KLF12: variants seen among roughly 807,000 people sequenced by gnomAD.
KLF12 encodes the protein KLF transcription factor 12, also known as Krueppel-like factor 12.
In KLF12, 9 loss-of-function variants were observed where a neutral mutation model predicts 37.8. That is an observed-to-expected ratio of 0.24 (90% CI 0.14 to 0.42). The LOEUF (loss-of-function observed/expected upper bound fraction) is 0.42. Ranked by LOEUF, KLF12 falls within the 10% of genes least tolerant of loss-of-function variation. The probability of loss-of-function intolerance (pLI) is 1.00; values close to 1 mark genes in which losing one functional copy is unlikely to be tolerated. For synonymous variants in KLF12, 208 were observed against 202.1 expected (o/e 1.03, Z -0.25); for missense variants, 411 against 516.0 (o/e 0.80, Z 1.97).
At chr13:74,065,790 C>G (rs1873879384) in intron 1 of KLF12, among the ~76,000 whole-genome samples, 1 of 152,032 alleles carries the variant, frequency 6.6e-6, no homozygotes, top group Admixed American at 6.6e-5. Context: ...CCCCTCTCCT[C>G]AAGGGCTGGC....
chr13:73,961,964 A>G (rs1420845388), intron 2 of KLF12: 8 of 453,578 alleles, frequency 1.8e-5, no homozygotes, highest in East Asian at 7.0e-5. Flanking sequence ...TATTCTTACC[A>G]TAAGATCACA....
chr13:73,950,888 G>T (rs1236713041), intron 2 of KLF12, among the ~76,000 whole-genome samples: 1 of 152,152 alleles, frequency 6.6e-6, no homozygotes, highest in Non-Finnish European at 1.5e-5. Context: ...AGAAACTAAT[G>T]CTCAGGACCT....
the KLF12 span, among the ~76,000 whole-genome samples, chr13:74,150,623 C>A: frequency 6.0e-4 from 91 of 152,180 alleles, no homozygotes; most frequent in African/African-American, 2.0e-3. Context: ...TAACTTTTAC[C>A]TTTCACTTAA....
chr13:73,844,390 C>G (rs535494518), intron 4 of KLF12, among the ~76,000 whole-genome samples: 1 of 152,186 alleles, frequency 6.6e-6, no homozygotes, highest in Non-Finnish European at 1.5e-5. Flanking sequence ...GAAAAGTTTC[C>G]CTAATTCCTC....
At chr13:73,972,362 ATAAC>A (rs1176732937) in intron 2 of KLF12, among the ~76,000 whole-genome samples, 1 of 152,068 alleles carries the variant, frequency 6.6e-6, no homozygotes, top group East Asian at 1.9e-4. Flanking sequence ...TCGACTCCCT[ATAAC>A]TAATTCAATT....
chr13:73,893,026 GAA>G (rs137984991), intron 3 of KLF12, among the ~76,000 whole-genome samples: 1,730 of 134,772 alleles, frequency 0.013, 28 homozygotes, highest in African/African-American at 0.042. Context: ...CTTTGAAAGA[GAA>G]AAAAAAAAAA....
chr13:74,138,026 G>A (rs1190805578), upstream of KLF12, among the ~76,000 whole-genome samples: 2 of 152,224 alleles, frequency 1.3e-5, no homozygotes, highest in East Asian at 3.8e-4. Flanking sequence ...AAAGTGCCGG[G>A]ATTACAGGCG....
the KLF12 span, among the ~76,000 whole-genome samples, chr13:74,253,791 T>C: frequency 6.6e-6 from 1 of 151,960 alleles, no homozygotes; most frequent in Non-Finnish European, 1.5e-5. Flanking sequence ...AAGCAAAGAG[T>C]GAGACACATT....
chr13:74,190,102 T>A, the KLF12 span, among the ~76,000 whole-genome samples: 1 of 152,160 alleles, frequency 6.6e-6, no homozygotes, highest in Non-Finnish European at 1.5e-5. Flanking sequence ...TAGTGTGCAA[T>A]ACTGAAGTAC....
chr13:74,165,024 T>C, the KLF12 span, among the ~76,000 whole-genome samples: 211 of 152,268 alleles, frequency 1.4e-3, 1 homozygote, highest in Admixed American at 5.0e-3. Context: ...AATAATTTAC[T>C]GTACATTTGA....
At chr13:74,141,037 C>G in the KLF12 span, among the ~76,000 whole-genome samples, 1 of 151,920 alleles carries the variant, frequency 6.6e-6, no homozygotes, top group African/African-American at 2.4e-5. Flanking sequence ...CGCACTCCAG[C>G]CTGGGTGACA....
intron 5 of KLF12, among the ~76,000 whole-genome samples, chr13:73,775,843 G>A (rs1880574553): frequency 1.3e-5 from 2 of 152,218 alleles, no homozygotes; most frequent in South Asian, 4.1e-4. Context: ...CAAAGTTAAA[G>A]TATATAATAC....
At chr13:74,035,458 G>C (rs1214476941) in intron 1 of KLF12, among the ~76,000 whole-genome samples, 1 of 152,156 alleles carries the variant, frequency 6.6e-6, no homozygotes, top group Non-Finnish European at 1.5e-5. Flanking sequence ...GCAGGAGCTG[G>C]CATCCAAATA....
intron 1 of KLF12, among the ~76,000 whole-genome samples, chr13:74,024,435 C>G (rs776685125): frequency 6.6e-6 from 1 of 152,118 alleles, no homozygotes; most frequent in African/African-American, 2.4e-5. Context: ...AATGAGTATA[C>G]GCATCATTCT....
intron 3 of KLF12, among the ~76,000 whole-genome samples, chr13:73,872,564 G>A (rs1297084011): frequency 6.6e-6 from 1 of 152,102 alleles, no homozygotes; most frequent in African/African-American, 2.4e-5. Context: ...ACAGAACAGG[G>A]AACTTGGGTA....
rs1555336654 is a variant in KLF12, at chr13:74,060,496, G to GTGTGTGTGTGTGCGTC, written c.-31-65444_-31-65443insGACGCACACACACACA. Among the ~76,000 whole-genome samples the GTGTGTGTGTGTGCGTC allele has an allele frequency of 5.1e-4, 73 of 142,048 alleles. 1 individual carries two copies. The highest frequency in any genetic ancestry group is 1.9e-3 in the African/African-American group (70 of 36,734). The allele number at this position is 142,048 out of a possible 152,430, so 93.2% of individuals were successfully genotyped here. A position where few individuals can be genotyped will look rare whatever the true frequency, so the allele number is the denominator to read the frequency against. ...GTATACCTAGGTTTTGTGTGTGTGT[G>GTGTGTGTGTGTGCGTC]TGTGTGTGTGTGTGTGTGTGTGTGT... On this transcript the variant is annotated intron_variant, in intron 1 of 7. Coordinates refer to ENST00000377669, the MANE Select transcript of KLF12 (RefSeq NM_007249.5).
chr13:74,240,416 T>C, the KLF12 span, among the ~76,000 whole-genome samples: 11 of 76,310 alleles, frequency 1.4e-4, no homozygotes, highest in Non-Finnish European at 2.5e-4. Flanking sequence ...CTGACAATTA[T>C]GTGTCTTGGA....
chr13:73,724,779 C>G (rs1335931199), intron 6 of KLF12, among the ~76,000 whole-genome samples: 1 of 152,156 alleles, frequency 6.6e-6, no homozygotes, highest in Non-Finnish European at 1.5e-5. Context: ...CTGCTCGAAG[C>G]TCACACAGCT....
the KLF12 span, among the ~76,000 whole-genome samples, chr13:74,271,765 A>G: frequency 6.6e-6 from 1 of 152,212 alleles, no homozygotes; most frequent in African/African-American, 2.4e-5. Flanking sequence ...CAAGTCAGGT[A>G]TGGTATACAC....
Sources: gnomAD v4.1 joint callset for allele counts (sites outside exome capture counted in the v4.1 genomes callset) on GRCh38, gnomAD v4.1.1 for gene constraint, MANE v1.5 for transcripts, NCBI Gene and HGNC (gene_info 2026-07-23, HGNC 2026-07-21) for gene names.